CFI: variants seen among roughly 807,000 people sequenced by gnomAD.
CFI encodes the protein C3B/C4B inactivator.
CFI carries 66 observed loss-of-function variants against 78.8 expected under a neutral mutation model. The ratio of observed to expected loss-of-function variants is 0.84; its 90% CI spans 0.69 to 1.03. CFI has a LOEUF of 1.03. Ranked by LOEUF, CFI falls within the 50% of genes least tolerant of loss-of-function variation. The pLI, the probability that CFI is intolerant of heterozygous loss-of-function variation, is 0.00. For missense variants in CFI, 706 were observed against 704.5 expected (o/e 1.00, Z -0.02); for synonymous variants, 250 against 232.6 (o/e 1.07, Z -0.68).
intron 6 of CFI, 167 bp downstream of exon 6, chr4:109,760,103 A>G (rs1457190464): frequency 1.4e-6 from 1 of 703,122 alleles, no homozygotes; most frequent in Non-Finnish European, 2.6e-6. Context: ...TATTTAGCGG[A>G]TGAAAATATG....
chr4:109,749,420 A>C (rs1425528555), intron 9 of CFI, 79 bp downstream of exon 9: 21 of 1,478,134 alleles, frequency 1.4e-5, no homozygotes, highest in African/African-American at 2.8e-5. Context: ...TCTTATAATT[A>C]CATCATCCTC....
intron 1 of CFI, among the ~76,000 whole-genome samples, chr4:109,799,670 T>G (rs774747775): frequency 1.3e-5 from 2 of 152,224 alleles, no homozygotes; most frequent in Non-Finnish European, 2.9e-5. Flanking sequence ...ATATTCTGCA[T>G]AGTAAGAGAA....
intron 1 of CFI, among the ~76,000 whole-genome samples, chr4:109,792,902 A>T (rs1731562775): frequency 6.6e-6 from 1 of 152,162 alleles, no homozygotes; most frequent in Admixed American, 6.5e-5. Flanking sequence ...ATAATTTTAA[A>T]AAACTGATTC....
intron 1 of CFI, chr4:109,793,932 T>G (rs1012020752): frequency 4.6e-5 from 7 of 152,234 alleles, no homozygotes; most frequent in African/African-American, 1.4e-4. Context: ...AGGATAGTTT[T>G]GCCAGATACA....
intron 1 of CFI, among the ~76,000 whole-genome samples, chr4:109,779,957 T>G (rs1729785983): frequency 6.7e-6 from 1 of 149,290 alleles, no homozygotes. Flanking sequence ...GATCCCTTCC[T>G]TATAAGGTGT....
chr4:109,790,247 C>A (rs888534722), intron 1 of CFI, among the ~76,000 whole-genome samples: 20 of 151,804 alleles, frequency 1.3e-4, no homozygotes, highest in Non-Finnish European at 2.4e-4. Context: ...GTGGCTATTT[C>A]CAAAGAACGA....
At chr4:109,740,478 T>C (rs1723657961), downstream of CFI, among the ~76,000 whole-genome samples, 1 of 152,196 alleles carries the variant, frequency 6.6e-6, no homozygotes, top group African/African-American at 2.4e-5. Flanking sequence ...TATGTAAGTA[T>C]GTAGTTTCAT....
Position 109,760,292 on chromosome 4 carries a change from C to A in CFI, c.861G>T (p.Gly287=). 1 of 1,613,782 alleles carries A rather than the reference C, an allele frequency of 6.2e-7. No individual in the cohort carries two copies. The highest frequency in any genetic ancestry group is 8.5e-7 in the Non-Finnish European group (1 of 1,179,682). The change falls in exon 6 of 13, where the codon GGG becomes GGT. Residue 287 remains glycine, a synonymous_variant. Transcript: ENST00000394634. ...TACCTGCACAGCCAACTTCATCTTC[C>A]CCTGTAATGCAGTCCACCTCACCAT... The part of the protein sequence containing the change: ...QCNGEVDCIT[G]EDEVGCAGFA...
intron 8 of CFI, 84 bp from the exon 9 acceptor site, chr4:109,749,686 A>T: frequency 1.2e-6 from 1 of 856,500 alleles, no homozygotes; most frequent in East Asian, 2.4e-5. Context: ...TATGCCACAA[A>T]AACAGGAGAG....
At chr4:109,770,385 C>A (rs1275395498) in intron 1 of CFI, among the ~76,000 whole-genome samples, 3 of 151,738 alleles carry the variant, frequency 2.0e-5, no homozygotes, top group African/African-American at 2.4e-5. Flanking sequence ...CATGGCAAAA[C>A]CCCATCTCTA....
At chr4:109,739,369 G>A (rs534172738), downstream of CFI, among the ~76,000 whole-genome samples, 2 of 152,188 alleles carry the variant, frequency 1.3e-5, no homozygotes, top group South Asian at 4.2e-4. Context: ...AGACAAATGA[G>A]GTCTCTCTTG....
At chr4:109,756,255 G>A (rs1324145273) in intron 7 of CFI, among the ~76,000 whole-genome samples, 3 of 150,470 alleles carry the variant, frequency 2.0e-5, no homozygotes, top group African/African-American at 7.3e-5. Flanking sequence ...GAGCTGAGGA[G>A]TATCATTAAC....
intron 1 of CFI, among the ~76,000 whole-genome samples, chr4:109,797,454 C>A (rs1313018105): frequency 6.6e-6 from 1 of 152,172 alleles, no homozygotes; most frequent in Admixed American, 6.5e-5. Flanking sequence ...TACACATACA[C>A]CTGAAATCAT....
chr4:109,789,448 T>C (rs1731116188), intron 1 of CFI, among the ~76,000 whole-genome samples: 1 of 151,936 alleles, frequency 6.6e-6, no homozygotes, highest in South Asian at 2.1e-4. Flanking sequence ...AAAGACACTA[T>C]GTACAGAGAA....
At chr4:109,733,218 C>T in the CFI span, among the ~76,000 whole-genome samples, 8 of 152,218 alleles carry the variant, frequency 5.3e-5, no homozygotes, top group East Asian at 1.5e-3. Context: ...AGTCATTCCC[C>T]TGCCTTGGCC....
At position 109,741,045 on chromosome 4, in the gene CFI, C is replaced by T. The variant is rs1249880132; in HGVS notation, c.1600G>A (p.Ala534Thr). The stretch of plus-strand genomic sequence containing the variant: ...CCCCAGACATAAGTCACATTGTTGG[C>T]ATCCATACAGACTAAGGGGCCTCCA... ...DSGGPLVCMD[A>T]NNVTYVWGVV... Residue 534 changes from alanine (A) to threonine (T), a missense_variant, in exon 13 of 13, where the codon GCC becomes ACC. Transcript: ENST00000394634. 4 of 1,614,104 alleles carry T rather than the reference C, an allele frequency of 2.5e-6. No individual in the cohort carries two copies. In the African/African-American group the frequency reaches 5.3e-5, roughly 22 times the overall value.
the CFI span, among the ~76,000 whole-genome samples, chr4:109,734,599 C>T: frequency 1.3e-5 from 2 of 152,054 alleles, no homozygotes; most frequent in East Asian, 1.9e-4. Context: ...GTCAGGAGTT[C>T]GAGACCAGCC....
intron 11 of CFI, among the ~76,000 whole-genome samples, chr4:109,745,351 C>T (rs569311725): frequency 6.6e-6 from 1 of 152,142 alleles, no homozygotes; most frequent in Admixed American, 6.6e-5. Context: ...CCATCACATC[C>T]AGCTAATTTC....
chr4:109,754,969 C>G (rs1725948332), intron 7 of CFI, among the ~76,000 whole-genome samples: 1 of 152,154 alleles, frequency 6.6e-6, no homozygotes, highest in Admixed American at 6.5e-5. Flanking sequence ...TTCAACAAAT[C>G]TCACATGGAT....
Sources: gnomAD v4.1 joint callset for allele counts (sites outside exome capture counted in the v4.1 genomes callset) on GRCh38, gnomAD v4.1.1 for gene constraint, MANE v1.5 for transcripts, NCBI Gene and HGNC (gene_info 2026-07-23, HGNC 2026-07-21) for gene names.